FOXP1: variants seen among roughly 807,000 people sequenced by gnomAD.
FOXP1 encodes forkhead box protein P1.
A neutral mutation model predicts 98.2 loss-of-function variants in FOXP1; 15 were observed. The ratio of observed to expected loss-of-function variants is 0.15; its 90% CI spans 0.10 to 0.24. The LOEUF is 0.24. Among genes scored for constraint, FOXP1 ranks in the 10% least tolerant of loss-of-function variants. The probability of loss-of-function intolerance (pLI) is 1.00; values close to 1 mark genes in which losing one functional copy is unlikely to be tolerated. For missense variants in FOXP1, 633 were observed against 848.5 expected (o/e 0.75, Z 3.15); for synonymous variants, 371 against 314.5 (o/e 1.18, Z -1.90).
chr3:71,386,471 G>A (rs891714743), intron 3 of FOXP1, among the ~76,000 whole-genome samples: 3 of 152,080 alleles, frequency 2.0e-5, no homozygotes, highest in Admixed American at 6.5e-5. Flanking sequence ...CGCCCTGTGC[G>A]GTGGCTCATG....
chr3:71,108,274 G>A (rs1352962039), intron 7 of FOXP1, among the ~76,000 whole-genome samples: 3 of 152,150 alleles, frequency 2.0e-5, no homozygotes, highest in African/African-American at 7.2e-5. Flanking sequence ...CAACTAAAAT[G>A]CTTAAAGAAC....
In FOXP1 at chr3:71,044,303, A is replaced by C. The variant is rs957641636; in HGVS notation, c.664+2639T>G. ...TTAGCAGGTACATAGCCAAGCATGT[A>C]ATTTTCTGCTACCTAGAGTTTACAT... On this transcript the variant is annotated intron_variant, in intron 10 of 20. Transcript: ENST00000649528. Among the ~76,000 whole-genome samples the C allele has an allele frequency of 9.2e-5, 14 of 152,342 alleles. No individual in the cohort carries two copies. The East Asian group carries it at 2.7e-3, about 29-fold the overall frequency.
intron 3 of FOXP1, among the ~76,000 whole-genome samples, chr3:71,428,841 G>A (rs1288780827): frequency 1.3e-5 from 2 of 152,214 alleles, no homozygotes; most frequent in Non-Finnish European, 2.9e-5. Flanking sequence ...TTCACCTTGG[G>A]CTGCAACTGC....
At chr3:71,025,463 A>G (rs1254099855) in intron 11 of FOXP1, among the ~76,000 whole-genome samples, 2 of 152,196 alleles carry the variant, frequency 1.3e-5, no homozygotes, top group African/African-American at 2.4e-5. Context: ...GCTTAAAGAA[A>G]CAGTCACAAG....
intron 7 of FOXP1, among the ~76,000 whole-genome samples, chr3:71,097,131 C>T (rs2056532628): frequency 6.6e-6 from 1 of 152,132 alleles, no homozygotes; most frequent in South Asian, 2.1e-4. Flanking sequence ...ATGATCATAT[C>T]CAGTCATCTA....
At chr3:71,260,346 C>T (rs756740825) in intron 5 of FOXP1, among the ~76,000 whole-genome samples, 1 of 152,150 alleles carries the variant, frequency 6.6e-6, no homozygotes, top group South Asian at 2.1e-4. Context: ...ATGAAATGGG[C>T]ACATGATACT....
At chr3:71,152,352 C>T (rs1439188386) in intron 6 of FOXP1, among the ~76,000 whole-genome samples, 3 of 152,144 alleles carry the variant, frequency 2.0e-5, no homozygotes, top group African/African-American at 7.2e-5. Flanking sequence ...AGACTCTGAG[C>T]AGAGAACTCA....
At chr3:71,243,456 A>G (rs1168131296) in intron 5 of FOXP1, among the ~76,000 whole-genome samples, 1 of 152,192 alleles carries the variant, frequency 6.6e-6, no homozygotes, top group Non-Finnish European at 1.5e-5. Context: ...ATGTTCAGAA[A>G]AAGCCAAGCA....
intron 5 of FOXP1, among the ~76,000 whole-genome samples, chr3:71,227,570 A>G (rs749223004): frequency 2.0e-5 from 3 of 152,122 alleles, no homozygotes; most frequent in Admixed American, 6.5e-5. Flanking sequence ...GGAGTTATAA[A>G]TCTTACAGTC....
chr3:71,434,496 G>A (rs561393890), intron 3 of FOXP1, among the ~76,000 whole-genome samples: 2 of 152,234 alleles, frequency 1.3e-5, no homozygotes, highest in South Asian at 4.1e-4. Flanking sequence ...AAAGTTTTAT[G>A]CACATACATA....
intron 20 of FOXP1, among the ~76,000 whole-genome samples, chr3:70,960,597 G>A (rs1220805050): frequency 6.6e-6 from 1 of 152,234 alleles, no homozygotes; most frequent in Non-Finnish European, 1.5e-5. Flanking sequence ...ACAGGCTGCA[G>A]AAGGGAAGAT....
intron 2 of FOXP1, among the ~76,000 whole-genome samples, chr3:71,554,547 T>C (rs935743440): frequency 3.3e-5 from 5 of 152,156 alleles, no homozygotes; most frequent in Non-Finnish European, 5.9e-5. Flanking sequence ...ATGGAAAAAA[T>C]CAAACTATTA....
chr3:71,415,325 T>C (rs1208062307), intron 3 of FOXP1, among the ~76,000 whole-genome samples: 1 of 122,064 alleles, frequency 8.2e-6, no homozygotes, highest in Non-Finnish European at 2.1e-5. Flanking sequence ...TCTTTCAGTA[T>C]AATTTTTTAA....
intron 3 of FOXP1, among the ~76,000 whole-genome samples, chr3:71,393,938 T>C (rs1198128694): frequency 2.6e-5 from 4 of 152,186 alleles, no homozygotes; most frequent in Non-Finnish European, 5.9e-5. Context: ...CAAGTGATCC[T>C]CCAGCCTCGG....
intron 14 of FOXP1, among the ~76,000 whole-genome samples, chr3:70,979,852 A>G (rs2038499289): frequency 6.6e-6 from 1 of 152,214 alleles, no homozygotes; most frequent in Non-Finnish European, 1.5e-5. Context: ...TAAAAAAGCA[A>G]TGAACCTGAA....
intron 6 of FOXP1, among the ~76,000 whole-genome samples, chr3:71,133,886 CACAA>C (rs1428920186): frequency 8.5e-5 from 13 of 152,072 alleles, no homozygotes; most frequent in South Asian, 4.1e-4. Flanking sequence ...TCAGTCACCT[CACAA>C]ACAGATTATG....
At chr3:71,226,474 C>T (rs935762088) in intron 5 of FOXP1, among the ~76,000 whole-genome samples, 7 of 151,594 alleles carry the variant, frequency 4.6e-5, no homozygotes, top group African/African-American at 1.7e-4. Flanking sequence ...AAATGCCCGT[C>T]ACCTATGCAA....
chr3:71,278,786 A>G (rs925795232), intron 5 of FOXP1, among the ~76,000 whole-genome samples: 13 of 152,230 alleles, frequency 8.5e-5, no homozygotes, highest in African/African-American at 3.1e-4. Context: ...CATCTCGAAA[A>G]CAAACAAACA....
At chr3:71,533,812 C>A (rs537531008) in intron 2 of FOXP1, among the ~76,000 whole-genome samples, 27 of 152,270 alleles carry the variant, frequency 1.8e-4, no homozygotes, top group Admixed American at 2.0e-4. Flanking sequence ...CTCCAGAGAG[C>A]TACAAGAAAT....
Sources: allele counts gnomAD v4.1 joint callset (sites outside exome capture counted in the v4.1 genomes callset), GRCh38; gene constraint gnomAD v4.1.1; transcripts MANE v1.5; gene names NCBI Gene and HGNC (gene_info 2026-07-23, HGNC 2026-07-21).